Variants in CD34 observed in about 807,000 individuals in gnomAD.
CD34 encodes the protein CD34 molecule.
Under a neutral mutation model 40.1 loss-of-function variants are expected in CD34, and 34 were observed. The ratio of observed to expected loss-of-function variants is 0.85; its 90% CI spans 0.65 to 1.13. CD34 has a LOEUF of 1.13. Among genes scored for constraint, CD34 ranks in the 50% most tolerant of loss-of-function variants. The pLI is 0.00. For missense variants in CD34, 426 were observed against 466.9 expected, an observed-to-expected ratio of 0.91 and a Z score of 0.81; for synonymous variants, 209 against 190.0, an observed-to-expected ratio of 1.10 and a Z score of -0.82.
chr1:207,889,123 G>T, intron 6 of CD34, 38 bp downstream of exon 6: 1 of 1,280,826 alleles, frequency 7.8e-7, no homozygotes, highest in Non-Finnish European at 1.1e-6. Context: ...CCCCTGCCCC[G>T]GCATTCCCTC....
intron 1 of CD34, 93 bp downstream of exon 1, chr1:207,910,909 C>T: frequency 7.7e-7 from 1 of 1,297,138 alleles, no homozygotes; most frequent in Non-Finnish European, 1.1e-6. Context: ...TCCCTTCCCT[C>T]CGTGAGACTC....
chr1:207,889,380 G>T (rs899204210), intron 5 of CD34, 85 bp downstream of exon 5: 1 of 1,533,930 alleles, frequency 6.5e-7, no homozygotes, highest in African/African-American at 1.4e-5. Flanking sequence ...GGTCTCTCTG[G>T]ATCTAAGATG....
chr1:207,890,075 G>A (rs990899082), intron 4 of CD34: 5 of 1,266,164 alleles, frequency 3.9e-6, no homozygotes, highest in Non-Finnish European at 5.0e-6. Flanking sequence ...TACACTCAGT[G>A]GAAACCTCAG....
chr1:207,898,897 T>G (rs1247891830), intron 3 of CD34, 76 bp downstream of exon 3: 1 of 1,471,060 alleles, frequency 6.8e-7, no homozygotes. Flanking sequence ...AGGAGAGGGG[T>G]GGAGGGAAAG....
rs753507818 is a variant in CD34, at chr1:207,887,899, T to G, written c.997A>C (p.Asn333His). The change falls in exon 8 of 8, where the codon AAC becomes CAC. Residue 333 changes from asparagine to histidine, a missense_variant. Physicochemically the swap from Asn to His is moderately conservative, Grantham distance 68. Coordinates refer to ENST00000310833, the MANE Select transcript of CD34 (RefSeq NM_001025109.2). ...GAGCTATAGCCCTGGCCTCCACCGT[T>G]TTCCGTGTAATAAGGGTCTTCGCCC... ...RLGEDPYYTE[N>H]GGGQGYSSGP... is the part of the protein sequence containing the mutation. The G allele has an allele frequency of 6.2e-7, 1 of 1,614,124 alleles. No homozygotes were observed. Among genetic ancestry groups the G allele is most frequent in the South Asian group, 1.1e-5 (1 of 91,076 alleles).
chr1:207,890,239 T>C lies in CD34; in HGVS notation c.598-618A>G, dbSNP rs556910015. The C allele has an allele frequency of 1.7e-5, 17 of 996,884 alleles. 1 individual carries two copies. The South Asian group carries it at 7.2e-4, about 42-fold the overall frequency. The allele number at this position is 996,884 out of a possible 1,614,324, so 61.8% of individuals were successfully genotyped here. On this transcript the variant is annotated intron_variant, in intron 4 of 7. Transcript: ENST00000310833. ...ATAGATTTTTCTTCAGGTTGCTGAC[T>C]GGGCCATCAGACCCAGGAATTTGGA...
In CD34 at chr1:207,896,731, T is replaced by C. The variant is rs77240397; in HGVS notation, c.597+762A>G. ...CAATTACAATTCAAATTTTAAAGCATTTTTTTTGCATTTTTTTCAAAAAGA... is the reference window on the plus strand; with the variant it reads ...CAATTACAATTCAAATTTTAAAGCACTTTTTTTGCATTTTTTTCAAAAAGA... On this transcript the variant is annotated intron_variant, in intron 4 of 7. Coordinates refer to ENST00000310833, the MANE Select transcript of CD34 (RefSeq NM_001025109.2). Among the ~76,000 whole-genome samples, 21 of 151,662 alleles carry C rather than the reference T, an allele frequency of 1.4e-4. 1 individual carries two copies. In the East Asian group the frequency reaches 3.3e-3, roughly 24 times the overall value.
intron 3 of CD34, among the ~76,000 whole-genome samples, chr1:207,898,642 T>G (rs1032831313): frequency 6.6e-6 from 1 of 152,204 alleles, no homozygotes; most frequent in Non-Finnish European, 1.5e-5. Context: ...TTGCCAAATA[T>G]TCCCAAAGGG....
Position 207,911,033 on chromosome 1 carries a change from GC to G in CD34, c.47del (p.Gly16AlafsTer8). 1 of 1,593,388 alleles carries G rather than the reference GC, an allele frequency of 6.3e-7. No homozygotes were observed. Among genetic ancestry groups the G allele is most frequent in the Non-Finnish European group, 8.5e-7 (1 of 1,173,210 alleles). ...GARAGPRMPR[G>X]WTALCLLSLL... ...AACTCAGCAAGCAAAGCGCGGTCCA[GC>G]CCCGCGGCATCCTGGGCCCTGCGCG... On this transcript the variant is annotated frameshift_variant, in exon 1 of 8. Coordinates refer to ENST00000310833, the MANE Select transcript of CD34 (RefSeq NM_001025109.2). LOFTEE classifies it high-confidence loss of function.
In CD34 at chr1:207,881,984, G is replaced by A. The variant is rs938283822; in HGVS notation, c.*5754C>T. Reference sequence around the variant, plus strand: ...GAGGGCTTTGAGAATAGCTGGTGTAGAACCTGCCTAACTCTCCAGTCTCAT... The same window carrying A: ...GAGGGCTTTGAGAATAGCTGGTGTAAAACCTGCCTAACTCTCCAGTCTCAT... On this transcript the variant is annotated 3_prime_UTR_variant, in exon 8 of 8. Coordinates refer to ENST00000310833, the MANE Select transcript of CD34 (RefSeq NM_001025109.2). The A allele has an allele frequency of 6.6e-6, 1 of 152,156 alleles. No individual in the cohort carries two copies. Among genetic ancestry groups the A allele is most frequent in the African/African-American group, 2.4e-5 (1 of 41,436 alleles). 9.4% of individuals were successfully genotyped at this position (152,156 alleles called of 1,614,324 possible).
chr1:207,892,699 G>T (rs1465610353), intron 4 of CD34, among the ~76,000 whole-genome samples: 1 of 151,840 alleles, frequency 6.6e-6, no homozygotes, highest in Non-Finnish European at 1.5e-5. Context: ...ATCATCTAGA[G>T]TCTACATATT....
intron 3 of CD34, 52 bp downstream of exon 3, chr1:207,898,921 G>T: frequency 1.3e-6 from 2 of 1,592,608 alleles, no homozygotes; most frequent in Non-Finnish European, 1.7e-6. Context: ...CAGCTTGCCT[G>T]CATACATATG....
At chr1:207,904,138 T>G (rs961135635) in intron 1 of CD34, among the ~76,000 whole-genome samples, 1 of 152,238 alleles carries the variant, frequency 6.6e-6, no homozygotes, top group Admixed American at 6.5e-5. Context: ...CCAAAATAAC[T>G]AAATCCCCAT....
At chr1:207,893,269 CA>C (rs1284713505) in intron 4 of CD34, among the ~76,000 whole-genome samples, 1 of 152,128 alleles carries the variant, frequency 6.6e-6, no homozygotes, top group African/African-American at 2.4e-5. Context: ...TCAAGCATTG[CA>C]ATGGGGACGG....
At chr1:207,895,426 T>G (rs1414105371) in intron 4 of CD34, among the ~76,000 whole-genome samples, 1 of 152,092 alleles carries the variant, frequency 6.6e-6, no homozygotes, top group Non-Finnish European at 1.5e-5. Flanking sequence ...ACAGAGTTGC[T>G]TTATGAAGGG....
intron 4 of CD34, among the ~76,000 whole-genome samples, chr1:207,894,179 C>T (rs1196121254): frequency 2.0e-5 from 3 of 152,106 alleles, no homozygotes; most frequent in Non-Finnish European, 2.9e-5. Context: ...AATGGAGAAG[C>T]AAAACAAGGT....
At position 207,899,922 on chromosome 1, in the gene CD34, G is replaced by A; in HGVS notation, c.161C>T (p.Thr54Ile). The change falls in exon 2 of 8, where the codon ACA becomes ATA. Residue 54 changes from threonine (T) to isoleucine (I), a missense_variant. Thr to Ile is a moderately conservative substitution (Grantham distance 89, BLOSUM62 -1). Transcript: ENST00000310833. The stretch of plus-strand genomic sequence containing the variant: ...TGTAGTTTCTTGGTAGGATACATTT[G>A]TAGAAACATTTGAAAATGTTCCCTG... Reference protein sequence around the residue: ...PTQGTFSNVSTNVSYQETTTP... With the variant: ...PTQGTFSNVSINVSYQETTTP... 1.2e-6 allele frequency: 2 copies of A among 1,613,914 alleles called. No homozygotes were observed. The highest frequency in any genetic ancestry group is 1.7e-6 in the Non-Finnish European group (2 of 1,179,844).
rs3738464 is a variant in CD34, at chr1:207,887,418, G to A, written c.*320C>T. ...GTTCCTGTATTGCGGCAGAGAGGAG[G>A]GGGTAGGGGAAGGGGGTCCTGTGTG... On this transcript the variant is annotated 3_prime_UTR_variant, in exon 8 of 8. Transcript: ENST00000310833. The A allele has an allele frequency of 3.6e-6, 1 of 277,734 alleles. No homozygotes were observed. Among genetic ancestry groups the A allele is most frequent in the African/African-American group, 2.2e-5 (1 of 45,994 alleles). The allele number at this position is 277,734 out of a possible 1,614,324, so 17.2% of individuals were successfully genotyped here.
chr1:207,895,028 C>T (rs565801885), intron 4 of CD34, among the ~76,000 whole-genome samples: 18 of 152,246 alleles, frequency 1.2e-4, no homozygotes, highest in Admixed American at 9.8e-4. Context: ...ATGTGATGCT[C>T]GGGGAAACCA....
Sources: allele counts gnomAD v4.1 joint callset (sites outside exome capture counted in the v4.1 genomes callset), GRCh38; gene constraint gnomAD v4.1.1; transcripts MANE v1.5; gene names NCBI Gene and HGNC (gene_info 2026-07-23, HGNC 2026-07-21).